The following DDX60 variants were observed in gnomAD, a reference collection of about 807,000 sequenced individuals.
DDX60 encodes probable ATP-dependent RNA helicase DDX60.
DDX60 carries 165 observed loss-of-function variants against 212.8 expected under a neutral mutation model. That is an observed-to-expected ratio of 0.78 (90% CI 0.68 to 0.88). The LOEUF (loss-of-function observed/expected upper bound fraction) is 0.88, where lower values mean the gene tolerates loss of function less well. Among genes scored for constraint, DDX60 ranks in the 40% least tolerant of loss-of-function variants. The pLI is 0.00. For missense variants in DDX60, 1,905 were observed against 2,003.9 expected (o/e 0.95, Z 0.94); for synonymous variants, 703 against 685.3 (o/e 1.03, Z -0.40).
intron 25 of DDX60, among the ~76,000 whole-genome samples, chr4:168,256,669 G>T (rs1210184643): frequency 6.6e-6 from 1 of 152,162 alleles, no homozygotes; most frequent in Non-Finnish European, 1.5e-5. Context: ...GTGTCAAGAA[G>T]CTAGGGCTTT....
At chr4:168,323,897 A>T in the DDX60 span, among the ~76,000 whole-genome samples, 1 of 152,124 alleles carries the variant, frequency 6.6e-6, no homozygotes, top group East Asian at 1.9e-4. Context: ...TTTCAGAGAC[A>T]CCCTGGTTAA....
At chr4:168,218,669 A>G (rs1732938564) in intron 37 of DDX60, among the ~76,000 whole-genome samples, 1 of 152,144 alleles carries the variant, frequency 6.6e-6, no homozygotes, top group Admixed American at 6.5e-5. Flanking sequence ...ATTCCATTTA[A>G]AGTCTCTTAC....
At position 168,236,319 on chromosome 4, in the gene DDX60, T is replaced by C; in HGVS notation, c.4466A>G (p.His1489Arg). The change falls in exon 33 of 38, where the codon CAT becomes CGT. Residue 1489 changes from histidine to arginine, a missense_variant. Physicochemically the swap from His to Arg is conservative, Grantham distance 29. Transcript: ENST00000393743. ...VMEKLVLVLA[H>R]LFGRRYFPPK... ...TGGAAAATATCTTCTTCCAAAGAGA[T>C]GTGCCAATACTAATACTAGCTTTTC... 1.2e-6 allele frequency: 2 copies of C among 1,611,068 alleles called. No homozygotes were observed. Among genetic ancestry groups the C allele is most frequent in the Non-Finnish European group, 1.7e-6 (2 of 1,178,320 alleles).
chr4:168,276,691 A>T (rs1735357395), intron 14 of DDX60, among the ~76,000 whole-genome samples: 1 of 152,144 alleles, frequency 6.6e-6, no homozygotes, highest in Non-Finnish European at 1.5e-5. Flanking sequence ...CTTTATATTC[A>T]TACATACCCT....
Position 168,221,849 on chromosome 4 carries a change from A to G in DDX60, c.4857T>C (p.Ser1619=). The change falls in exon 36 of 38, where the codon TCT becomes TCC. Residue 1619 remains serine, a synonymous_variant. Transcript: ENST00000393743. ...TCTGTGACAACAGCACTGGAGCCTGAGAGCGATTGACACCGATTGTGCCTA... is the reference window on the plus strand; with the variant it reads ...TCTGTGACAACAGCACTGGAGCCTGGGAGCGATTGACACCGATTGTGCCTA... ...VTLGTIGVNR[S]QAPVLLSQKF... is the part of the protein sequence containing the mutation. 6.2e-7 allele frequency: 1 copy of G among 1,613,144 alleles called. No homozygotes were observed. Among genetic ancestry groups the G allele is most frequent in the Non-Finnish European group, 8.5e-7 (1 of 1,179,402 alleles).
intron 1 of DDX60, among the ~76,000 whole-genome samples, chr4:168,313,249 T>G (rs1445607682): frequency 1.3e-5 from 2 of 152,180 alleles, no homozygotes; most frequent in African/African-American, 4.8e-5. Flanking sequence ...TATGAAAGCA[T>G]GTTGGGGAAA....
At chr4:168,277,699 C>T (rs1314695990) in intron 14 of DDX60, among the ~76,000 whole-genome samples, 1 of 151,276 alleles carries the variant, frequency 6.6e-6, no homozygotes, top group East Asian at 1.9e-4. Context: ...GTCCCAGCTA[C>T]TCAGGAGGCT....
At chr4:168,314,927 C>A (rs1190734402) in intron 1 of DDX60, among the ~76,000 whole-genome samples, 1 of 152,072 alleles carries the variant, frequency 6.6e-6, no homozygotes, top group African/African-American at 2.4e-5. Flanking sequence ...TACGCCTAGG[C>A]ACAACTTGTT....
At chr4:168,297,364 AAG>A (rs1198339117) in intron 6 of DDX60, among the ~76,000 whole-genome samples, 35 of 61,580 alleles carry the variant, frequency 5.7e-4, no homozygotes, top group African/African-American at 3.5e-3. Context: ...GAAAGAAAGA[AAG>A]AAAGAAAGAA....
At position 168,284,952 on chromosome 4, in the gene DDX60, G is replaced by A. The variant is rs185082944; in HGVS notation, c.1446-17C>T. ...GGATCATCACTGTGAGACAAAAAAA[G>A]GCATATTTTAAATTGCACACTTCCA... is the stretch of plus-strand genomic sequence containing the variant. On this transcript the variant is annotated splice_polypyrimidine_tract_variant and intron_variant, in intron 11 of 37. Transcript: ENST00000393743. The A allele has an allele frequency of 3.3e-4, 448 of 1,343,914 alleles. 1 individual carries two copies. The African/African-American group carries it at 6.1e-3, about 18-fold the overall frequency. 83.2% of individuals were successfully genotyped at this position (1,343,914 alleles called of 1,614,324 possible). A position where few individuals can be genotyped will look rare whatever the true frequency, so the allele number is the denominator to read the frequency against.
intron 24 of DDX60, 80 bp from the exon 25 acceptor site, chr4:168,261,069 T>C (rs1734605470): frequency 3.4e-6 from 5 of 1,449,314 alleles, no homozygotes; most frequent in Non-Finnish European, 4.7e-6. Flanking sequence ...AATATTTTCA[T>C]AGTTGTCTAA....
chr4:168,309,415 C>T (rs187731293), intron 3 of DDX60, among the ~76,000 whole-genome samples: 102 of 152,084 alleles, frequency 6.7e-4, no homozygotes, highest in African/African-American at 2.4e-3. Flanking sequence ...ATAAACCTAA[C>T]GTAAGGACCA....
chr4:168,262,606 C>T, intron 23 of DDX60, 77 bp downstream of exon 23: 2 of 912,260 alleles, frequency 2.2e-6, no homozygotes, highest in East Asian at 2.7e-5. Flanking sequence ...AGATTAGATG[C>T]CAGTGATTAG....
intron 6 of DDX60, among the ~76,000 whole-genome samples, chr4:168,297,922 A>C (rs1340507649): frequency 1.3e-5 from 2 of 151,194 alleles, no homozygotes; most frequent in African/African-American, 4.8e-5. Context: ...AAATAATAGT[A>C]ATAATGATAA....
At position 168,268,285 on chromosome 4, in the gene DDX60, T is replaced by G. The variant is rs946119094; in HGVS notation, c.2787-302A>C. Among the ~76,000 whole-genome samples, 4 of 152,304 alleles carry G rather than the reference T, an allele frequency of 2.6e-5. No homozygotes were observed. The South Asian group carries it at 8.3e-4, about 32-fold the overall frequency. On this transcript the variant is annotated intron_variant, in intron 20 of 37. Transcript: ENST00000393743. ...AGTAAGCTTAAATCATAAGGGTTGC[T>G]GGGCATTTAAAATAAATTAATACAT...
intron 11 of DDX60, 118 bp from the exon 12 acceptor site, chr4:168,285,053 T>A: frequency 1.7e-6 from 1 of 587,278 alleles, no homozygotes; most frequent in Non-Finnish European, 3.0e-6. Context: ...TGCAATATGA[T>A]GTGGGTGGTA....
intron 33 of DDX60, among the ~76,000 whole-genome samples, chr4:168,230,455 T>C (rs1733409307): frequency 6.6e-6 from 1 of 151,996 alleles, no homozygotes; most frequent in African/African-American, 2.4e-5. Flanking sequence ...AGAAAGACCA[T>C]ATGATAGGCA....
At chr4:168,272,435 T>G (rs1273172609) in intron 18 of DDX60, among the ~76,000 whole-genome samples, 1 of 152,238 alleles carries the variant, frequency 6.6e-6, no homozygotes, top group African/African-American at 2.4e-5. Context: ...CAAGTTTCAT[T>G]CTTTAAAACC....
At chr4:168,300,270 G>A (rs7678549) in intron 6 of DDX60, among the ~76,000 whole-genome samples, 53,083 of 151,774 alleles carry the variant, frequency 0.35, 9,484 homozygotes, top group African/African-American at 0.42. Flanking sequence ...GGCTGGGTGC[G>A]GTGGCTCACA....
Sources: allele counts gnomAD v4.1 joint callset (sites outside exome capture counted in the v4.1 genomes callset), GRCh38; gene constraint gnomAD v4.1.1; transcripts MANE v1.5; gene names NCBI Gene and HGNC (gene_info 2026-07-23, HGNC 2026-07-21).